Variants in CCDC33 observed in about 807,000 individuals in gnomAD.
CCDC33 encodes the protein coiled-coil domain containing 33.
A neutral mutation model predicts 91.9 loss-of-function variants in CCDC33; 94 were observed. The ratio of observed to expected loss-of-function variants is 1.02; its 90% CI spans 0.87 to 1.21. The LOEUF (loss-of-function observed/expected upper bound fraction) is 1.21. Among genes scored for constraint, CCDC33 ranks in the 50% most tolerant of loss-of-function variants. CCDC33 has a pLI of 0.00. For missense variants in CCDC33, 940 were observed against 935.5 expected (o/e 1.00, Z -0.06); for synonymous variants, 396 against 374.5 (o/e 1.06, Z -0.66).
chr15:74,216,294 A>G (rs1018266770), upstream of CCDC33, among the ~76,000 whole-genome samples: 2 of 152,018 alleles, frequency 1.3e-5, no homozygotes, highest in Non-Finnish European at 2.9e-5. Flanking sequence ...CTTTCCCGAC[A>G]TGAATTATAG....
chr15:74,280,225 T>G, intron 8 of CCDC33, 133 bp downstream of exon 8: 5 of 1,080,628 alleles, frequency 4.6e-6, no homozygotes, highest in Non-Finnish European at 6.6e-6. Context: ...GGCTTCCTAA[T>G]GCAGGCAGAG....
chr15:74,249,525 C>A (rs1204051613), intron 2 of CCDC33, among the ~76,000 whole-genome samples: 1 of 151,902 alleles, frequency 6.6e-6, no homozygotes, highest in East Asian at 1.9e-4. Flanking sequence ...CTTGAATAGC[C>A]CCTGAGCTAA....
At chr15:74,281,522 TA>T (rs1484371548) in intron 9 of CCDC33, among the ~76,000 whole-genome samples, 2 of 152,214 alleles carry the variant, frequency 1.3e-5, no homozygotes, top group Non-Finnish European at 2.9e-5. Flanking sequence ...CATCCTGACA[TA>T]ATAGACCTCA....
intron 10 of CCDC33, among the ~76,000 whole-genome samples, chr15:74,291,869 T>G (rs1460864721): frequency 6.6e-6 from 1 of 152,164 alleles, no homozygotes; most frequent in Non-Finnish European, 1.5e-5. Flanking sequence ...CTAACAACAG[T>G]GAGTGCTGGG....
chr15:74,263,637 AT>A (rs2076087164), intron 3 of CCDC33, among the ~76,000 whole-genome samples: 1 of 152,200 alleles, frequency 6.6e-6, no homozygotes, highest in East Asian at 1.9e-4. Context: ...AGGAGGAAAA[AT>A]TGACCTAGGA....
At chr15:74,303,547 GCCTT>G (rs2059834396) in intron 11 of CCDC33, 1 of 153,068 alleles carries the variant, frequency 6.5e-6, no homozygotes, top group Non-Finnish European at 1.5e-5. Context: ...GGCCACCCCA[GCCTT>G]CCTGCTGTGT....
At chr15:74,318,278 AG>A (rs2060133760) in intron 11 of CCDC33, among the ~76,000 whole-genome samples, 2 of 151,992 alleles carry the variant, frequency 1.3e-5, no homozygotes, top group African/African-American at 4.8e-5. Flanking sequence ...GCAGGAACCA[AG>A]GTGTAGCCAA....
At position 74,209,644 on chromosome 15, in the gene CCDC33, G is replaced by C. The variant is rs573682061; in HGVS notation, n.236+110G>C. On this transcript the variant is annotated intron_variant and non_coding_transcript_variant, in intron 2 of 3. Transcript: ENST00000558645. ...TCTGGAGTCCTGCTCTTCACCCCAA[G>C]TACATGCCTGCAACCTCCAACGCTG... 47 of 578,038 alleles carry C rather than the reference G, an allele frequency of 8.1e-5. No homozygotes were observed. The South Asian group carries it at 9.5e-4, about 12-fold the overall frequency. The allele number at this position is 578,038 out of a possible 1,614,324, so 35.8% of individuals were successfully genotyped here.
At chr15:74,327,570 GT>G (rs1158462674) in intron 11 of CCDC33, among the ~76,000 whole-genome samples, 1 of 152,202 alleles carries the variant, frequency 6.6e-6, no homozygotes, top group East Asian at 1.9e-4. Context: ...GGGAGGCAGA[GT>G]TTGCAGAGAG....
intron 2 of CCDC33, among the ~76,000 whole-genome samples, chr15:74,245,313 G>A (rs2075487183): frequency 6.6e-6 from 1 of 152,182 alleles, no homozygotes; most frequent in Admixed American, 6.5e-5. Flanking sequence ...GTGAAAGGGG[G>A]GTAGAAGCTG....
chr15:74,335,867 G>A, intron 18 of CCDC33, 58 bp from the exon 19 acceptor site: 20 of 1,341,050 alleles, frequency 1.5e-5, no homozygotes, highest in Non-Finnish European at 1.9e-5. Context: ...ATATGCCCTT[G>A]AGCAGGTCAC....
At chr15:74,322,334 C>T (rs1238258059) in intron 11 of CCDC33, among the ~76,000 whole-genome samples, 1 of 152,194 alleles carries the variant, frequency 6.6e-6, no homozygotes, top group African/African-American at 2.4e-5. Flanking sequence ...GGGTGGGCCT[C>T]GCTCTCTCCC....
chr15:74,262,557 G>A lies in CCDC33; in HGVS notation c.303G>A (p.Glu101=), dbSNP rs777444630. ...GDTVNVEIQA[E]DAGQEDVILK... ...CGGTGAATGTGGAGATCCAAGCTGA[G>A]GATGCAGGGCAAGAAGGTAAGCAGG... is the stretch of plus-strand genomic sequence containing the variant. The change falls in exon 3 of 19, where the codon GAG becomes GAA. Residue 101 remains glutamate, a synonymous_variant. Coordinates refer to ENST00000398814, the MANE Select transcript of CCDC33 (RefSeq NM_025055.5). 2.6e-5 allele frequency: 42 copies of A among 1,613,292 alleles called. No individual in the cohort carries two copies. In the South Asian group the frequency reaches 4.5e-4, roughly 17 times the overall value.
intron 11 of CCDC33, among the ~76,000 whole-genome samples, chr15:74,305,886 A>ACG (rs72534029): frequency 1.8e-5 from 2 of 108,548 alleles, no homozygotes; most frequent in Admixed American, 1.7e-4. Flanking sequence ...AAAATCACTC[A>ACG]ACCTCTCTGA....
chr15:74,244,257 C>A lies in CCDC33; in HGVS notation c.185+109C>A, dbSNP rs2075447329. The A allele has an allele frequency of 7.1e-7, 1 of 1,403,062 alleles. No individual in the cohort carries two copies. Among genetic ancestry groups the A allele is most frequent in the Non-Finnish European group, 9.6e-7 (1 of 1,044,176 alleles). The allele number at this position is 1,403,062 out of a possible 1,614,324, so 86.9% of individuals were successfully genotyped here. ...CCCAAAGGCCCAGGACTGGGACTGT[C>A]ATACCCAGAGGGGAGGAGCTGCTGT... On this transcript the variant is annotated intron_variant, in intron 2 of 18. Transcript: ENST00000398814. The surrounding 1 kb of genome is among the most constrained non-coding windows in gnomAD (Gnocchi z 4.2).
intron 1 of CCDC33, chr15:74,203,118 C>G: frequency 1.0e-6 from 1 of 985,604 alleles, no homozygotes; most frequent in Non-Finnish European, 1.2e-6. Context: ...ACCGCTGGGG[C>G]TGGGCTGGGG....
rs369700000 is a variant in CCDC33, at chr15:74,333,904, C to G, written c.1962C>G (p.Asp654Glu). Residue 654 changes from aspartate to glutamate, a missense_variant, in exon 17 of 19, where the codon GAC becomes GAG. Coordinates refer to ENST00000398814, the MANE Select transcript of CCDC33 (RefSeq NM_025055.5). ...AGGATCTCCTCTCTGGTACTTCAGACAAGTTCAACCTCCTGGCCAAGCTGG... is the reference window on the plus strand; with the variant it reads ...AGGATCTCCTCTCTGGTACTTCAGAGAAGTTCAACCTCCTGGCCAAGCTGG... ...ALPDLLSGTS[D>E]KFNLLAKLEH... 1.9e-6 allele frequency: 3 copies of G among 1,613,514 alleles called. No homozygotes were observed. The highest frequency in any genetic ancestry group is 2.7e-5 in the African/African-American group (2 of 74,922).
intron 10 of CCDC33, among the ~76,000 whole-genome samples, chr15:74,292,275 C>A (rs1467679872): frequency 6.6e-6 from 1 of 152,194 alleles, no homozygotes; most frequent in Non-Finnish European, 1.5e-5. Context: ...TCCCATCCTC[C>A]ACCCTGACTC....
intron 3 of CCDC33, among the ~76,000 whole-genome samples, chr15:74,265,799 G>A (rs938367132): frequency 6.6e-6 from 1 of 152,230 alleles, no homozygotes; most frequent in East Asian, 1.9e-4. Flanking sequence ...TGAGGCGGGT[G>A]GATCACTTGA....
Sources: gnomAD v4.1 joint callset for allele counts (sites outside exome capture counted in the v4.1 genomes callset) on GRCh38, gnomAD v4.1.1 for gene constraint, Gnocchi (gnomAD v3.1) non-coding constraint, MANE v1.5 for transcripts, NCBI Gene and HGNC (gene_info 2026-07-23, HGNC 2026-07-21) for gene names.